Variants in ENOX2 observed in about 807,000 individuals in gnomAD.
The protein encoded by ENOX2 is ecto-NOX disulfide-thiol exchanger 2.
ENOX2 carries 36 observed loss-of-function variants against 45.0 expected under a neutral mutation model. That is an observed-to-expected ratio of 0.80 (90% CI 0.61 to 1.06). The LOEUF (loss-of-function observed/expected upper bound fraction) is 1.06. ENOX2 is among the 50% of genes least tolerant of loss of function. The probability of loss-of-function intolerance (pLI) is 0.00; values close to 1 mark genes in which losing one functional copy is unlikely to be tolerated. For missense variants in ENOX2, 423 were observed against 462.5 expected (o/e 0.91, Z 0.78); for synonymous variants, 174 against 152.3 (o/e 1.14, Z -1.05).
In ENOX2 at chrX:130,637,309, C is replaced by T. The variant is rs750613110; in HGVS notation, c.1231G>A (p.Gly411Ser). ...NEVELLKQEQ[G>S]KVHREDDPNK... is the part of the protein sequence containing the mutation. ...GGGTCATCTTCTCTGTGGACTTTGCCTTGTTCTTGCTTGAGCAGTTCTACT... is the reference window on the plus strand; with the variant it reads ...GGGTCATCTTCTCTGTGGACTTTGCTTTGTTCTTGCTTGAGCAGTTCTACT... The change falls in exon 11 of 15, where the codon GGC (glycine) becomes AGC (serine). Residue 411 changes from glycine to serine, a missense_variant. Gly to Ser is a moderately conservative substitution (Grantham distance 56, BLOSUM62 0). This residue lies in a region of ENOX2 where 108 missense variants were observed against 70.6 expected (regional missense o/e 1.53). Coordinates refer to ENST00000394363, the MANE Select transcript of ENOX2 (RefSeq NM_006375.4). 1.7e-5 allele frequency: 20 copies of T among 1,210,392 alleles called. No homozygotes were observed. The Admixed American group carries it at 4.3e-4, about 26-fold the overall frequency.
At chrX:130,859,368 A>G (rs887022217) in intron 2 of ENOX2, among the ~76,000 whole-genome samples, 2 of 112,711 alleles carry the variant, frequency 1.8e-5, no homozygotes, top group African/African-American at 6.4e-5. Flanking sequence ...CAAAAAAACA[A>G]AAAAAATCCT....
intron 3 of ENOX2, among the ~76,000 whole-genome samples, chrX:130,722,281 GGCA>G (rs1167900288): frequency 2.7e-5 from 3 of 111,734 alleles, no homozygotes; most frequent in African/African-American, 9.8e-5. Context: ...CTTCCCCAGG[GGCA>G]GCATTTCTCA....
At chrX:130,757,988 T>C (rs1349981185) in intron 3 of ENOX2, among the ~76,000 whole-genome samples, 1 of 112,104 alleles carries the variant, frequency 8.9e-6, no homozygotes, top group Non-Finnish European at 1.9e-5. Context: ...GTCTATAAAA[T>C]GAGGCTTATG....
At chrX:130,893,358 A>C (rs6529451) in intron 2 of ENOX2, among the ~76,000 whole-genome samples, 35,337 of 110,641 alleles carry the variant, frequency 0.32, 5,550 homozygotes, top group African/African-American at 0.61. Flanking sequence ...ACAGATATAT[A>C]TTGGGGGCCT....
chrX:130,891,096 T>C (rs1026772353), intron 2 of ENOX2, among the ~76,000 whole-genome samples: 43 of 111,628 alleles, frequency 3.9e-4, no homozygotes, highest in African/African-American at 1.4e-3. Flanking sequence ...ATCCTAGTAC[T>C]TTGGGAGGCC....
chrX:130,892,063 T>C (rs770813160), intron 2 of ENOX2, among the ~76,000 whole-genome samples: 14 of 111,776 alleles, frequency 1.3e-4, no homozygotes, highest in Non-Finnish European at 2.4e-4. Flanking sequence ...AGTGATCTGA[T>C]AGCATCTCGC....
At chrX:130,868,480 C>T (rs1033903186) in intron 2 of ENOX2, among the ~76,000 whole-genome samples, 2 of 111,647 alleles carry the variant, frequency 1.8e-5, no homozygotes, top group African/African-American at 6.5e-5. Context: ...TTTGACCGCT[C>T]AGACTCCCTG....
intron 2 of ENOX2, 112 bp from the exon 3 acceptor site, chrX:130,783,802 G>C: frequency 4.9e-6 from 1 of 203,060 alleles, no homozygotes; most frequent in Non-Finnish European, 9.1e-6. Flanking sequence ...AAAAGCCTAG[G>C]AGAAACAGGT....
intron 3 of ENOX2, among the ~76,000 whole-genome samples, chrX:130,765,705 C>T (rs2148361918): frequency 9.0e-6 from 1 of 111,428 alleles, no homozygotes; most frequent in Non-Finnish European, 1.9e-5. Context: ...TCCTGTTATC[C>T]ATGAATGAAT....
At chrX:130,867,528 G>A (rs1051253097) in intron 2 of ENOX2, among the ~76,000 whole-genome samples, 4 of 111,318 alleles carry the variant, frequency 3.6e-5, no homozygotes, top group Non-Finnish European at 7.6e-5. Context: ...ACAAATATTG[G>A]TTCACTGAGT....
At chrX:130,739,023 G>C (rs780896597) in intron 3 of ENOX2, among the ~76,000 whole-genome samples, 1 of 112,711 alleles carries the variant, frequency 8.9e-6, no homozygotes, top group South Asian at 3.7e-4. Flanking sequence ...CTGCTTTGAA[G>C]ACTAAGCTGG....
At chrX:130,743,527 A>G (rs2148319968) in intron 3 of ENOX2, among the ~76,000 whole-genome samples, 1 of 109,324 alleles carries the variant, frequency 9.1e-6, no homozygotes, top group South Asian at 4.1e-4. Context: ...GCAGGGGTAC[A>G]GTGATGCAAT....
chrX:130,735,925 C>CA (rs1469083907), intron 3 of ENOX2, among the ~76,000 whole-genome samples: 7 of 111,638 alleles, frequency 6.3e-5, no homozygotes, highest in African/African-American at 2.3e-4. Flanking sequence ...GATACACTGG[C>CA]AAAAAAGCCA....
chrX:130,780,691 C>T (rs1176736418), intron 3 of ENOX2, among the ~76,000 whole-genome samples: 1 of 110,853 alleles, frequency 9.0e-6, no homozygotes, highest in East Asian at 2.8e-4. Flanking sequence ...TCACAGGTGA[C>T]CTTTAAGAAA....
intron 2 of ENOX2, among the ~76,000 whole-genome samples, chrX:130,818,847 G>A (rs1269354951): frequency 2.7e-5 from 3 of 111,331 alleles, no homozygotes; most frequent in Non-Finnish European, 3.8e-5. Context: ...TAAAAACAAT[G>A]GCAACAAAAG....
chrX:130,660,738 C>G (rs138708018), intron 9 of ENOX2, among the ~76,000 whole-genome samples: 4 of 112,453 alleles, frequency 3.6e-5, no homozygotes, highest in African/African-American at 1.3e-4. Flanking sequence ...CACTGGTAGA[C>G]TACAACAAAA....
At chrX:130,729,219 C>T (rs925500926) in intron 3 of ENOX2, among the ~76,000 whole-genome samples, 7 of 111,907 alleles carry the variant, frequency 6.3e-5, no homozygotes, top group Non-Finnish European at 1.1e-4. Flanking sequence ...GTTTTCTTTG[C>T]TTAAAATTTT....
intron 10 of ENOX2, among the ~76,000 whole-genome samples, chrX:130,639,902 C>T (rs2036032681): frequency 8.9e-6 from 1 of 111,934 alleles, no homozygotes; most frequent in South Asian, 3.7e-4. Context: ...CTGTCTTAGT[C>T]CGTTTTAACT....
At chrX:130,741,839 A>G (rs945652784) in intron 3 of ENOX2, among the ~76,000 whole-genome samples, 14 of 111,972 alleles carry the variant, frequency 1.3e-4, no homozygotes, top group Non-Finnish European at 2.3e-4. Flanking sequence ...AATGTGAGGG[A>G]CTGAAGAGAG....
Sources: gnomAD v4.1 joint callset for allele counts (sites outside exome capture counted in the v4.1 genomes callset) on GRCh38, gnomAD v4.1.1 for gene constraint, gnomAD v4.1.1 regional missense constraint, MANE v1.5 for transcripts, NCBI Gene and HGNC (gene_info 2026-07-23, HGNC 2026-07-21) for gene names.